The following SLAMF9 variants were observed in gnomAD, a reference collection of about 807,000 sequenced individuals.
SLAMF9 encodes the protein SLAM family member 9.
In SLAMF9, 25 loss-of-function variants were observed where a neutral mutation model predicts 30.4. The observed-to-expected ratio is 0.82, with a 90% CI of 0.60 to 1.15. The LOEUF is 1.15. Among genes scored for constraint, SLAMF9 ranks in the 50% most tolerant of loss-of-function variants. The pLI is 0.00. For synonymous variants in SLAMF9, 129 were observed against 127.2 expected (o/e 1.01, Z -0.09); for missense variants, 344 against 346.1 (o/e 0.99, Z 0.05).
chr1:159,951,796 CAAG>C lies in SLAMF9; in HGVS notation c.732_734del (p.Phe244del), dbSNP rs780238696. 2.5e-6 allele frequency: 4 copies of C among 1,614,014 alleles called. No individual in the cohort carries two copies. The African/African-American group carries it at 5.3e-5, about 22-fold the overall frequency. On this transcript the variant is annotated inframe_deletion, in exon 4 of 4. Coordinates refer to ENST00000368093, the MANE Select transcript of SLAMF9 (RefSeq NM_033438.4). ...GTCCCATGGCCAGAATTACCAAGAG[CAAG>C]AAGATGAGCAATCCCTTGGCCAGGA...
At chr1:159,966,433 G>T in the SLAMF9 span, among the ~76,000 whole-genome samples, 1 of 152,046 alleles carries the variant, frequency 6.6e-6, no homozygotes, top group African/African-American at 2.4e-5. Flanking sequence ...CATGTTAAAG[G>T]GATATCCTTT....
At chr1:159,954,297 T>C, upstream of SLAMF9, 1 of 634,872 alleles carries the variant, frequency 1.6e-6, no homozygotes, top group Admixed American at 3.0e-5. Context: ...ACGTCCTCTG[T>C]CCTCACTAAG....
At chr1:159,980,251 G>C in the SLAMF9 span, among the ~76,000 whole-genome samples, 1 of 152,146 alleles carries the variant, frequency 6.6e-6, no homozygotes, top group Non-Finnish European at 1.5e-5. Context: ...ACCTGCTCCT[G>C]TCAGGGGGAC....
At chr1:159,968,591 G>C in the SLAMF9 span, among the ~76,000 whole-genome samples, 1 of 152,196 alleles carries the variant, frequency 6.6e-6, no homozygotes, top group Non-Finnish European at 1.5e-5. Context: ...GAGAGGGACT[G>C]TCTGGGATTC....
chr1:159,965,430 T>C, the SLAMF9 span: 2 of 152,326 alleles, frequency 1.3e-5, no homozygotes, highest in East Asian at 3.9e-4. Context: ...CTAGGGAACA[T>C]GGTGCTAGAG....
chr1:159,964,890 CAG>C, the SLAMF9 span, among the ~76,000 whole-genome samples: 14 of 152,280 alleles, frequency 9.2e-5, no homozygotes, highest in African/African-American at 2.4e-4. Flanking sequence ...ACAAAGGAAA[CAG>C]AGGGGAGTGG....
At chr1:159,971,989 C>T in the SLAMF9 span, among the ~76,000 whole-genome samples, 1 of 152,156 alleles carries the variant, frequency 6.6e-6, no homozygotes, top group African/African-American at 2.4e-5. Context: ...GCTCCCTCTG[C>T]AGAACAGCAT....
intron 2 of SLAMF9, 31 bp from the exon 3 acceptor site, chr1:159,952,565 A>G (rs553262025): frequency 6.2e-7 from 1 of 1,606,666 alleles, no homozygotes; most frequent in South Asian, 1.1e-5. Flanking sequence ...AAGACCCTCT[A>G]AACAATCAGG....
chr1:159,956,340 C>T (rs1055153859), upstream of SLAMF9, among the ~76,000 whole-genome samples: 1 of 152,078 alleles, frequency 6.6e-6, no homozygotes, highest in South Asian at 2.1e-4. Flanking sequence ...CATGGTGATG[C>T]ATGCCTGTAA....
the SLAMF9 span, chr1:159,976,955 AGAAAGAGAAAGAAAGAAG>A: frequency 6.7e-3 from 46 of 6,894 alleles, 2 homozygotes; most frequent in Admixed American, 9.6e-3. Flanking sequence ...AAAGAAAGAA[AGAAAGAGAAAGAAAGAAG>A]GAAAGAAGGA....
At chr1:159,975,479 G>C in the SLAMF9 span, among the ~76,000 whole-genome samples, 2 of 152,164 alleles carry the variant, frequency 1.3e-5, no homozygotes, top group Non-Finnish European at 1.5e-5. Context: ...TGGCTGGAGA[G>C]GCAGGCTGTG....
At position 159,953,509 on chromosome 1, in the gene SLAMF9, A is replaced by T; in HGVS notation, c.191T>A (p.Val64Glu). 6.2e-7 allele frequency: 1 copy of T among 1,614,212 alleles called. No individual in the cohort carries two copies. The highest frequency in any genetic ancestry group is 8.5e-7 in the Non-Finnish European group (1 of 1,180,022). ...IWSSHKSLAT[V>E]VPGKEGHPAT... ...TGGATGTCCCTCTTTCCCTGGCACCACAGTGGCAAGACTTTTGTGAGAGGA... is the reference window on the plus strand; with the variant it reads ...TGGATGTCCCTCTTTCCCTGGCACCTCAGTGGCAAGACTTTTGTGAGAGGA... Residue 64 changes from valine to glutamate, a missense_variant, in exon 2 of 4, where the codon GTG (valine) becomes GAG (glutamate). Transcript: ENST00000368093.
chr1:159,966,240 A>G, the SLAMF9 span, among the ~76,000 whole-genome samples: 1 of 152,202 alleles, frequency 6.6e-6, no homozygotes, highest in South Asian at 2.1e-4. Context: ...TTCACTTAGC[A>G]TAGTATCCTC....
At chr1:159,976,965 A>AGAAG in the SLAMF9 span, 12 of 51,218 alleles carry the variant, frequency 2.3e-4, no homozygotes, top group Admixed American at 2.7e-4. Context: ...AGAAAGAGAA[A>AGAAG]GAAAGAAGGA....
chr1:159,967,182 G>A, the SLAMF9 span, among the ~76,000 whole-genome samples: 1 of 152,092 alleles, frequency 6.6e-6, no homozygotes, highest in Non-Finnish European at 1.5e-5. Flanking sequence ...GGGTACATGT[G>A]TACAATGTGC....
In SLAMF9 at chr1:159,952,458, G is replaced by A. The variant is rs776933348; in HGVS notation, c.468C>T (p.Cys156=). Residue 156 remains cysteine (C), a synonymous_variant, in exon 3 of 4, where the codon TGC becomes TGT. Transcript: ENST00000368093. The part of the protein sequence containing the change: ...GEGACSMSLV[C]SVEKAGMDMT... ...TATCCATGCCTGCCTTCTCCACAGA[G>A]CACACCAGGGACATACTGCAGGCAC... 1 of 1,614,116 alleles carries A rather than the reference G, an allele frequency of 6.2e-7. No homozygotes were observed. Among genetic ancestry groups the A allele is most frequent in the Admixed American group, 1.7e-5 (1 of 60,018 alleles).
chr1:159,972,858 T>C, the SLAMF9 span: 1 of 959,734 alleles, frequency 1.0e-6, no homozygotes, highest in Non-Finnish European at 1.4e-6. Flanking sequence ...ACACATGGGA[T>C]GGGAGGCTCA....
In SLAMF9 at chr1:159,952,395, A is replaced by G. The variant is rs1236402162; in HGVS notation, c.531T>C (p.Tyr177=). ...TGAGGACAGGGCCTTCATGGAATGT[A>G]TAAGTGCTATCCCCCCGGGAGAGCC... is the stretch of plus-strand genomic sequence containing the variant. ...YSWLSRGDST[Y]TFHEGPVLST... The change falls in exon 3 of 4, where the codon TAT becomes TAC. Residue 177 remains tyrosine, a synonymous_variant. Coordinates refer to ENST00000368093, the MANE Select transcript of SLAMF9 (RefSeq NM_033438.4). The G allele has an allele frequency of 6.2e-7, 1 of 1,614,106 alleles. No homozygotes were observed. Among genetic ancestry groups the G allele is most frequent in the East Asian group, 2.2e-5 (1 of 44,864 alleles).
the SLAMF9 span, among the ~76,000 whole-genome samples, chr1:159,972,196 C>T: frequency 6.6e-6 from 1 of 152,182 alleles, no homozygotes; most frequent in African/African-American, 2.4e-5. Context: ...CCTGTGTGTG[C>T]CTCTAGCTCT....
Sources: gnomAD v4.1 joint callset for allele counts (sites outside exome capture counted in the v4.1 genomes callset) on GRCh38, gnomAD v4.1.1 for gene constraint, MANE v1.5 for transcripts, NCBI Gene and HGNC (gene_info 2026-07-23, HGNC 2026-07-21) for gene names.